Variants in GPD2 observed in about 807,000 individuals in gnomAD.
GPD2 encodes glycerol-3-phosphate dehydrogenase 2.
A neutral mutation model predicts 82.4 loss-of-function variants in GPD2; 54 were observed. The observed-to-expected ratio is 0.66, with a 90% CI of 0.53 to 0.82. GPD2 has a LOEUF of 0.82. GPD2 is among the 40% of genes least tolerant of loss of function. The pLI, the probability that GPD2 is intolerant of heterozygous loss-of-function variation, is 0.00. For synonymous variants in GPD2, 288 were observed against 306.1 expected (o/e 0.94, Z 0.62); for missense variants, 748 against 896.2 (o/e 0.83, Z 2.11).
Position 156,513,415 on chromosome 2 carries a change from G to A in GPD2, c.580G>A (p.Val194Ile), listed in dbSNP as rs116805380. ...AAGCAATTGCCTAAAAAGCAGTTATGTCCTCAGCAAATCAAGAGCCCTTGA... is the reference window on the plus strand; with the variant it reads ...AAGCAATTGCCTAAAAAGCAGTTATATCCTCAGCAAATCAAGAGCCCTTGA... ...AGSNCLKSSYVLSKSRALEHF... is the reference protein window; with the variant it reads ...AGSNCLKSSYILSKSRALEHF... The change falls in exon 6 of 17, where the codon GTC (valine) becomes ATC (isoleucine). Residue 194 changes from valine to isoleucine, a missense_variant. Coordinates refer to ENST00000438166, the MANE Select transcript of GPD2 (RefSeq NM_000408.5). 2.0e-4 allele frequency: 330 copies of A among 1,612,540 alleles called. No homozygotes were observed. In the African/African-American group the frequency reaches 4.2e-3, roughly 20 times the overall value.
intron 1 of GPD2, among the ~76,000 whole-genome samples, chr2:156,468,813 C>A (rs539196448): frequency 6.6e-6 from 1 of 152,214 alleles, no homozygotes; most frequent in East Asian, 1.9e-4. Flanking sequence ...TATCCATTAC[C>A]TTAAGCATTT....
chr2:156,467,043 A>G (rs920109970), intron 1 of GPD2, among the ~76,000 whole-genome samples: 2 of 152,008 alleles, frequency 1.3e-5, no homozygotes, highest in East Asian at 1.9e-4. Flanking sequence ...GCTTTACACT[A>G]TGTGAATTGA....
intron 1 of GPD2, among the ~76,000 whole-genome samples, chr2:156,469,581 A>G (rs1459268944): frequency 2.0e-5 from 3 of 152,188 alleles, no homozygotes; most frequent in African/African-American, 7.2e-5. Flanking sequence ...GGCTACTGTG[A>G]CTAGTGCTGC....
chr2:156,522,867 A>G (rs1004743885), intron 6 of GPD2, among the ~76,000 whole-genome samples: 5 of 152,136 alleles, frequency 3.3e-5, no homozygotes, highest in African/African-American at 1.2e-4. Context: ...ACTTTACAAA[A>G]TGAAGATTAT....
intron 6 of GPD2, among the ~76,000 whole-genome samples, chr2:156,548,909 C>G (rs1432575): frequency 1.3e-5 from 2 of 152,014 alleles, no homozygotes; most frequent in Non-Finnish European, 2.9e-5. Context: ...TTTTAAAGTG[C>G]TTAATCATCT....
chr2:156,537,400 G>A (rs995114021), intron 6 of GPD2, among the ~76,000 whole-genome samples: 3 of 152,156 alleles, frequency 2.0e-5, no homozygotes, highest in Non-Finnish European at 2.9e-5. Context: ...ATTGCTGGGA[G>A]TCTGGGCAAG....
intron 1 of GPD2, among the ~76,000 whole-genome samples, chr2:156,458,739 C>A (rs751040747): frequency 3.1e-4 from 47 of 152,112 alleles, no homozygotes; most frequent in Non-Finnish European, 5.6e-4. Flanking sequence ...GTCAGCTATC[C>A]ATCTGCATGG....
intron 1 of GPD2, among the ~76,000 whole-genome samples, chr2:156,444,055 C>A (rs531484501): frequency 1.3e-5 from 2 of 152,332 alleles, no homozygotes; most frequent in Non-Finnish European, 2.9e-5. Context: ...TTTCACTTTT[C>A]TCCTTGTCAA....
chr2:156,568,483 A>T (rs557482823), intron 9 of GPD2, among the ~76,000 whole-genome samples: 1 of 152,062 alleles, frequency 6.6e-6, no homozygotes, highest in East Asian at 1.9e-4. Flanking sequence ...ATTGGTTTTG[A>T]TTGTTTCTGC....
intron 2 of GPD2, among the ~76,000 whole-genome samples, chr2:156,478,421 G>A (rs905388707): frequency 6.6e-6 from 1 of 152,084 alleles, no homozygotes; most frequent in African/African-American, 2.4e-5. Context: ...TTCTTTTCTG[G>A]TGATTCCTGT....
chr2:156,419,784 A>G, the GPD2 span, among the ~76,000 whole-genome samples: 2 of 152,254 alleles, frequency 1.3e-5, no homozygotes, highest in Non-Finnish European at 2.9e-5. Flanking sequence ...TTATCAAAAC[A>G]TATAATTTTA....
intron 6 of GPD2, among the ~76,000 whole-genome samples, chr2:156,535,437 GGAGAGAGAGAGA>G (rs34554584): frequency 1.2e-5 from 1 of 80,286 alleles, no homozygotes; most frequent in South Asian, 6.1e-4. Flanking sequence ...AGGGGGGTGG[GGAGAGAGAGAGA>G]GAGAGAGAGA....
At chr2:156,493,381 A>G (rs1296914447) in intron 2 of GPD2, among the ~76,000 whole-genome samples, 6 of 152,104 alleles carry the variant, frequency 3.9e-5, no homozygotes, top group Admixed American at 6.5e-5. Flanking sequence ...AAAAAACAAG[A>G]TTTACAGGTC....
intron 1 of GPD2, among the ~76,000 whole-genome samples, chr2:156,454,361 G>A (rs1182616405): frequency 6.6e-6 from 1 of 152,084 alleles, no homozygotes; most frequent in Non-Finnish European, 1.5e-5. Context: ...CTAGACCTAA[G>A]TATGAGAATA....
chr2:156,579,836 T>C (rs1468485460), intron 16 of GPD2, 48 bp downstream of exon 16: 1 of 889,550 alleles, frequency 1.1e-6, no homozygotes. Context: ...TATCTTTTGT[T>C]TGTCATGATC....
chr2:156,510,682 T>A (rs2105268986), intron 3 of GPD2, 114 bp from the exon 4 acceptor site: 1 of 818,898 alleles, frequency 1.2e-6, no homozygotes, highest in East Asian at 2.6e-5. Context: ...TACAAATTTA[T>A]CCATGTTCAG....
intron 9 of GPD2, among the ~76,000 whole-genome samples, chr2:156,562,235 G>A (rs1687201969): frequency 6.6e-6 from 1 of 152,172 alleles, no homozygotes; most frequent in African/African-American, 2.4e-5. Flanking sequence ...TAGGCAATTA[G>A]TAGTGTTTAT....
At position 156,579,023 on chromosome 2, in the gene GPD2, C is replaced by G. The variant is rs772017610; in HGVS notation, c.1880+22C>G. The G allele has an allele frequency of 5.2e-6, 8 of 1,549,290 alleles. No individual in the cohort carries two copies. The South Asian group carries it at 7.8e-5, about 15-fold the overall frequency. On this transcript the variant is annotated intron_variant, in intron 14 of 16. Transcript: ENST00000438166. ...ACAGGTACTTATAATAAGTGTCTAT[C>G]TATCTCTCTTTTTTTTTGGCCTATG...
intron 6 of GPD2, among the ~76,000 whole-genome samples, chr2:156,525,161 G>C (rs567904312): frequency 6.6e-6 from 1 of 152,210 alleles, no homozygotes; most frequent in African/African-American, 2.4e-5. Flanking sequence ...CTTTTTCTGA[G>C]GGGAAGCTTG....
Sources: allele counts gnomAD v4.1 joint callset (sites outside exome capture counted in the v4.1 genomes callset), GRCh38; gene constraint gnomAD v4.1.1; transcripts MANE v1.5; gene names NCBI Gene and HGNC (gene_info 2026-07-23, HGNC 2026-07-21).